The following C3orf18 variants were observed in gnomAD, a reference collection of about 807,000 sequenced individuals.
The protein encoded by C3orf18 is chromosome 3 open reading frame 18.
C3orf18 carries 12 observed loss-of-function variants against 14.1 expected under a neutral mutation model. The ratio of observed to expected loss-of-function variants is 0.85; its 90% CI spans 0.55 to 1.38. The LOEUF (loss-of-function observed/expected upper bound fraction) is 1.38, where lower values mean the gene tolerates loss of function less well. C3orf18 is among the 40% of genes most tolerant of loss of function. The pLI is 0.00. For synonymous variants in C3orf18, 82 were observed against 87.9 expected (o/e 0.93, Z 0.38); for missense variants, 196 against 213.9 (o/e 0.92, Z 0.52).
intron 3 of C3orf18, chr3:50,562,004 A>G (rs572277446): frequency 1.7e-6 from 1 of 595,516 alleles, no homozygotes; most frequent in South Asian, 2.1e-5. Context: ...GGTTCAAGTG[A>G]TTCTCCTGCC....
intron 3 of C3orf18, among the ~76,000 whole-genome samples, chr3:50,562,955 G>C (rs1309939617): frequency 6.6e-6 from 1 of 152,244 alleles, no homozygotes; most frequent in East Asian, 1.9e-4. Context: ...GACCACCTTG[G>C]GCGGGGAATC....
At chr3:50,574,251 G>A (rs1701328045), upstream of C3orf18, among the ~76,000 whole-genome samples, 1 of 152,218 alleles carries the variant, frequency 6.6e-6, no homozygotes, top group Admixed American at 6.5e-5. Context: ...TTTTAGTCTT[G>A]CCGAAAGAGC....
chr3:50,562,737 A>G (rs1489085818), intron 3 of C3orf18: 1 of 350,758 alleles, frequency 2.9e-6, no homozygotes, highest in Non-Finnish European at 5.6e-6. Context: ...GGGGTGGGGG[A>G]CTGGAGCCCC....
At chr3:50,574,009 C>T (rs1701300063), upstream of C3orf18, among the ~76,000 whole-genome samples, 1 of 152,176 alleles carries the variant, frequency 6.6e-6, no homozygotes, top group Non-Finnish European at 1.5e-5. Context: ...TGGGTCTGCC[C>T]CACCAGGGAT....
At position 50,559,367 on chromosome 3, in the gene C3orf18, G is replaced by T; in HGVS notation, c.*290C>A. 1 of 1,321,698 alleles carries T rather than the reference G, an allele frequency of 7.6e-7. No homozygotes were observed. The highest frequency in any genetic ancestry group is 9.7e-7 in the Non-Finnish European group (1 of 1,028,540). 81.9% of individuals were successfully genotyped at this position (1,321,698 alleles called of 1,614,324 possible). A position where few individuals can be genotyped will look rare whatever the true frequency, so the allele number is the denominator to read the frequency against. ...GACCCTGATGTGAGGGATCTGGACA[G>T]GGGATGAGGAAGCCAGCAGAGGCTC... On this transcript the variant is annotated 3_prime_UTR_variant, in exon 6 of 6. Transcript: ENST00000357203.
Position 50,565,745 on chromosome 3 carries a change from C to A in C3orf18, c.-46G>T, listed in dbSNP as rs775406750. ...GGCTGAGAGGCTGCCTGATGCCAGT[C>A]AACCTGCCCACTCACTCCTGACTCC... On this transcript the variant is annotated 5_prime_UTR_variant, in exon 3 of 6. Coordinates refer to ENST00000357203, the MANE Select transcript of C3orf18 (RefSeq NM_016210.5). The surrounding 1 kb of genome is among the most constrained non-coding windows in gnomAD (Gnocchi z 4.4). 6.9e-6 allele frequency: 10 copies of A among 1,457,714 alleles called. No homozygotes were observed. The African/African-American group carries it at 1.2e-4, about 18-fold the overall frequency. 90.3% of individuals were successfully genotyped at this position (1,457,714 alleles called of 1,614,324 possible). A position where few individuals can be genotyped will look rare whatever the true frequency, so the allele number is the denominator to read the frequency against.
At chr3:50,563,640 G>A (rs534714600) in intron 3 of C3orf18, among the ~76,000 whole-genome samples, 7 of 152,256 alleles carry the variant, frequency 4.6e-5, no homozygotes, top group East Asian at 3.9e-4. Flanking sequence ...TTGTACCCAC[G>A]GCCCTGCTTG....
At chr3:50,567,378 T>G (rs1575855596) in intron 1 of C3orf18, 85 bp downstream of exon 1, 1 of 152,334 alleles carries the variant, frequency 6.6e-6, no homozygotes, top group Admixed American at 6.5e-5. Flanking sequence ...GGTCTCTCAG[T>G]CCTCCCTGCC....
upstream of C3orf18, chr3:50,572,334 A>G (rs576613563): frequency 1.1e-6 from 1 of 913,060 alleles, no homozygotes; most frequent in African/African-American, 1.6e-5. Flanking sequence ...CTTTCTAGAC[A>G]TGTATTTCCT....
At chr3:50,574,144 C>T (rs1701316647), upstream of C3orf18, among the ~76,000 whole-genome samples, 1 of 152,220 alleles carries the variant, frequency 6.6e-6, no homozygotes, top group African/African-American at 2.4e-5. Context: ...CTGCCTGCCC[C>T]TCACCTCTTT....
At chr3:50,573,609 C>T (rs936127184), upstream of C3orf18, among the ~76,000 whole-genome samples, 2 of 151,576 alleles carry the variant, frequency 1.3e-5, no homozygotes, top group Non-Finnish European at 2.9e-5. Flanking sequence ...GGAGATGCTG[C>T]GATTGGGAGG....
At chr3:50,561,968 C>T (rs1245116396) in intron 3 of C3orf18, 4 of 609,482 alleles carry the variant, frequency 6.6e-6, no homozygotes, top group Non-Finnish European at 1.2e-5. Flanking sequence ...GGCACAATCT[C>T]GGCTCACTGC....
chr3:50,572,252 A>T (rs2107396445), upstream of C3orf18: 1 of 1,568,948 alleles, frequency 6.4e-7, no homozygotes, highest in Non-Finnish European at 8.7e-7. Flanking sequence ...ATGATGGTGG[A>T]GTTCAGGGCA....
intron 3 of C3orf18, among the ~76,000 whole-genome samples, chr3:50,563,554 C>T (rs1700114767): frequency 1.3e-5 from 2 of 152,200 alleles, no homozygotes; most frequent in South Asian, 4.1e-4. Context: ...TCCCCCACCA[C>T]TGATCCTGGT....
In C3orf18 at chr3:50,565,964, G is replaced by C; in HGVS notation, c.-163+42C>G. 2.0e-6 allele frequency: 1 copy of C among 509,002 alleles called. No individual in the cohort carries two copies. The highest frequency in any genetic ancestry group is 3.5e-6 in the Non-Finnish European group (1 of 283,250). 31.5% of individuals were successfully genotyped at this position (509,002 alleles called of 1,614,324 possible). On this transcript the variant is annotated intron_variant, in intron 2 of 5. Coordinates refer to ENST00000357203, the MANE Select transcript of C3orf18 (RefSeq NM_016210.5). The surrounding 1 kb of genome is among the most constrained non-coding windows in gnomAD (Gnocchi z 4.4). ...AGCACTGGGGAGGTAAAGGTTTGAG[G>C]GCAAGAATGAGGGTAAGTTCAGGAG...
At chr3:50,561,890 T>C (rs1699996290) in intron 3 of C3orf18, 143 bp from the exon 4 acceptor site, 1 of 747,276 alleles carries the variant, frequency 1.3e-6, no homozygotes, top group Non-Finnish European at 2.3e-6. Flanking sequence ...CACTCCCCCT[T>C]CACCTTCATG....
At chr3:50,571,278 T>C (rs143565256), upstream of C3orf18, 995 of 1,612,586 alleles carry the variant, frequency 6.2e-4, 1 homozygote, top group Admixed American at 2.0e-3. Context: ...GGGGTATCCC[T>C]GAGGCCCGGG....
upstream of C3orf18, chr3:50,571,861 C>T (rs1330668264): frequency 1.3e-6 from 2 of 1,519,134 alleles, no homozygotes; most frequent in South Asian, 1.1e-5. Context: ...CCAGCCTCCC[C>T]TATCCCCACC....
At chr3:50,571,260 T>A (rs754297800), upstream of C3orf18, 1 of 1,613,446 alleles carries the variant, frequency 6.2e-7, no homozygotes. Flanking sequence ...CTGGGGTCTT[T>A]GAGAAGAGGG....
Sources: allele counts gnomAD v4.1 joint callset (sites outside exome capture counted in the v4.1 genomes callset), GRCh38; gene constraint gnomAD v4.1.1; non-coding constraint Gnocchi (gnomAD v3.1); transcripts MANE v1.5; gene names NCBI Gene and HGNC (gene_info 2026-07-23, HGNC 2026-07-21).